Variants in CADM1 observed in about 807,000 individuals in gnomAD.
CADM1 encodes cell adhesion molecule 1, also known as TSLC-1.
In CADM1, 15 loss-of-function variants were observed where a neutral mutation model predicts 53.1. The observed-to-expected ratio is 0.28, with a 90% CI of 0.19 to 0.44. The LOEUF is 0.44. Among genes scored for constraint, CADM1 ranks in the 20% least tolerant of loss-of-function variants. The pLI, the probability that CADM1 is intolerant of heterozygous loss-of-function variation, is 1.00. For synonymous variants in CADM1, 281 were observed against 243.0 expected (o/e 1.16, Z -1.45); for missense variants, 434 against 611.3 (o/e 0.71, Z 3.06).
chr11:115,256,261 G>A (rs1390535767), intron 1 of CADM1, among the ~76,000 whole-genome samples: 7 of 152,208 alleles, frequency 4.6e-5, no homozygotes, highest in Admixed American at 4.6e-4. Flanking sequence ...GATAAAAATT[G>A]CTGTAAAAAT....
chr11:115,454,462 C>G (rs1380984523), intron 1 of CADM1, among the ~76,000 whole-genome samples: 2 of 152,186 alleles, frequency 1.3e-5, no homozygotes, highest in Non-Finnish European at 2.9e-5. Context: ...ATTTGCCAGA[C>G]AGACATTTCT....
In CADM1 at chr11:115,229,122, C is replaced by G. The variant is rs567822638; in HGVS notation, c.712G>C (p.Glu238Gln). The change falls in exon 5 of 12, where the codon GAA (glutamate) becomes CAA (glutamine). Residue 238 changes from glutamate to glutamine, a missense_variant. Physicochemically the swap from Glu to Gln is conservative, Grantham distance 29. Coordinates refer to ENST00000331581, the MANE Select transcript of CADM1 (RefSeq NM_001301043.2). ...ATACCAGGGTACTCACACTGTACTT[C>G]TAGATACCGCTGGGTCTGCAGGTTT... ...TGNLQTQRYL[E>Q]VQYKPQVHIQ... 3.7e-6 allele frequency: 6 copies of G among 1,613,970 alleles called. No homozygotes were observed. The Admixed American group carries it at 1.0e-4, about 27-fold the overall frequency.
intron 1 of CADM1, among the ~76,000 whole-genome samples, chr11:115,290,532 T>C (rs1943862623): frequency 6.6e-6 from 1 of 152,222 alleles, no homozygotes; most frequent in African/African-American, 2.4e-5. Flanking sequence ...AGCCCTGATG[T>C]ATTTGATCAG....
chr11:115,345,027 C>T (rs919908059), intron 1 of CADM1, among the ~76,000 whole-genome samples: 5 of 152,106 alleles, frequency 3.3e-5, no homozygotes, highest in African/African-American at 9.7e-5. Context: ...ACAAAGTATT[C>T]GGCAGAATCC....
At chr11:115,383,966 A>T (rs1565398867) in intron 1 of CADM1, among the ~76,000 whole-genome samples, 1 of 151,998 alleles carries the variant, frequency 6.6e-6, no homozygotes, top group Admixed American at 6.6e-5. Flanking sequence ...AAAAAAAAAA[A>T]TTGCAACTGA....
chr11:115,217,568 T>C (rs1423965909), intron 6 of CADM1, among the ~76,000 whole-genome samples: 2 of 152,212 alleles, frequency 1.3e-5, no homozygotes, highest in Non-Finnish European at 2.9e-5. Context: ...AGATATATCA[T>C]TAGATTGTAG....
chr11:115,329,977 C>CT (rs1211092208), intron 1 of CADM1, among the ~76,000 whole-genome samples: 1 of 151,058 alleles, frequency 6.6e-6, no homozygotes, highest in Non-Finnish European at 1.5e-5. Flanking sequence ...TGCTCCTCTG[C>CT]TCTTCTGCTT....
chr11:115,207,768 T>A (rs1168661190), intron 8 of CADM1, among the ~76,000 whole-genome samples: 5 of 152,186 alleles, frequency 3.3e-5, no homozygotes, highest in Non-Finnish European at 7.4e-5. Flanking sequence ...TGCTGGCTCA[T>A]ACCTGGGCAA....
chr11:115,419,147 G>A (rs138775445), intron 1 of CADM1, among the ~76,000 whole-genome samples: 2 of 152,292 alleles, frequency 1.3e-5, no homozygotes, highest in African/African-American at 4.8e-5. Flanking sequence ...AGACCACTTA[G>A]AAGTTTTTAT....
intron 1 of CADM1, among the ~76,000 whole-genome samples, chr11:115,467,106 A>G (rs1440192668): frequency 1.3e-5 from 2 of 152,344 alleles, no homozygotes; most frequent in South Asian, 4.1e-4. Flanking sequence ...AGAGGGATTA[A>G]AAATGCTTTT....
At chr11:115,202,089 T>C (rs1365042869) in intron 8 of CADM1, among the ~76,000 whole-genome samples, 1 of 151,740 alleles carries the variant, frequency 6.6e-6, no homozygotes, top group Admixed American at 6.6e-5. Context: ...CTTGAATAAA[T>C]GAAACATCAC....
At chr11:115,367,238 C>T (rs963690326) in intron 1 of CADM1, among the ~76,000 whole-genome samples, 4 of 152,154 alleles carry the variant, frequency 2.6e-5, no homozygotes, top group African/African-American at 9.7e-5. Flanking sequence ...AAATAATCAT[C>T]ATATATGTAA....
chr11:115,475,038 G>C (rs949242118), intron 1 of CADM1, among the ~76,000 whole-genome samples: 11 of 152,080 alleles, frequency 7.2e-5, no homozygotes, highest in African/African-American at 2.7e-4. Flanking sequence ...AACATGTATA[G>C]TTGTCCCTCA....
At chr11:115,375,865 T>C (rs1257107764) in intron 1 of CADM1, among the ~76,000 whole-genome samples, 2 of 152,182 alleles carry the variant, frequency 1.3e-5, no homozygotes, top group African/African-American at 4.8e-5. Flanking sequence ...AATACTCAAC[T>C]TACAATATTA....
At chr11:115,350,637 T>TAAA (rs11378290) in intron 1 of CADM1, among the ~76,000 whole-genome samples, 1 of 146,744 alleles carries the variant, frequency 6.8e-6, no homozygotes, top group Non-Finnish European at 1.5e-5. Flanking sequence ...CCATACTAAC[T>TAAA]AAAAAAAAAA....
At chr11:115,213,665 A>G (rs963263020) in intron 7 of CADM1, among the ~76,000 whole-genome samples, 13 of 152,214 alleles carry the variant, frequency 8.5e-5, no homozygotes, top group Admixed American at 3.3e-4. Flanking sequence ...ATGTGTATCT[A>G]AACATTTATT....
At chr11:115,437,293 G>T (rs1948205342) in intron 1 of CADM1, among the ~76,000 whole-genome samples, 1 of 152,088 alleles carries the variant, frequency 6.6e-6, no homozygotes, top group African/African-American at 2.4e-5. Context: ...GGTCTGAAAA[G>T]GAAAGGCTTT....
intron 1 of CADM1, among the ~76,000 whole-genome samples, chr11:115,374,870 A>G (rs1946399601): frequency 9.0e-6 from 1 of 111,408 alleles, no homozygotes; most frequent in Admixed American, 8.3e-5. Flanking sequence ...CGTGCTAATC[A>G]AGTAGTTATA....
At chr11:115,408,056 G>A (rs1947363536) in intron 1 of CADM1, among the ~76,000 whole-genome samples, 1 of 151,830 alleles carries the variant, frequency 6.6e-6, no homozygotes. Flanking sequence ...TGTAGGCTCA[G>A]AAACTAAATG....
Sources: gnomAD v4.1 joint callset for allele counts (sites outside exome capture counted in the v4.1 genomes callset) on GRCh38, gnomAD v4.1.1 for gene constraint, MANE v1.5 for transcripts, NCBI Gene and HGNC (gene_info 2026-07-23, HGNC 2026-07-21) for gene names.